Variants in CHRNA5 observed in about 807,000 individuals in gnomAD.
CHRNA5 encodes cholinergic receptor nicotinic alpha 5 subunit, also known as neuronal acetylcholine receptor subunit alpha-5.
CHRNA5 carries 28 observed loss-of-function variants against 41.2 expected under a neutral mutation model. That is an observed-to-expected ratio of 0.68 (90% CI 0.50 to 0.93). CHRNA5 has a LOEUF of 0.93. Ranked by LOEUF, CHRNA5 falls within the 40% of genes least tolerant of loss-of-function variation. CHRNA5 has a pLI of 0.00. For synonymous variants in CHRNA5, 188 were observed against 205.8 expected (o/e 0.91, Z 0.74); for missense variants, 481 against 581.9 (o/e 0.83, Z 1.78).
chr15:78,569,417 T>C (rs1180387372), intron 1 of CHRNA5, among the ~76,000 whole-genome samples: 1 of 151,816 alleles, frequency 6.6e-6, no homozygotes, highest in African/African-American at 2.4e-5. Flanking sequence ...ACAATTAGAG[T>C]TGTTAAATAT....
intron 1 of CHRNA5, among the ~76,000 whole-genome samples, chr15:78,572,101 A>G (rs1757291018): frequency 6.6e-6 from 1 of 152,180 alleles, no homozygotes; most frequent in African/African-American, 2.4e-5. Flanking sequence ...GAGGTATAAT[A>G]TACATCACTC....
chr15:78,590,178 G>A (rs1480433749), exon 5 of CHRNA5: 1 of 1,613,948 alleles, frequency 6.2e-7, no homozygotes, highest in Admixed American at 1.7e-5. Context: ...ACCCTGTATT[G>A]GGCTCTCATT....
chr15:78,577,368 G>C (rs532951013), intron 1 of CHRNA5, among the ~76,000 whole-genome samples: 22 of 152,318 alleles, frequency 1.4e-4, no homozygotes, highest in Middle Eastern at 3.4e-3. Context: ...CTGCTAAGAA[G>C]AATTTAAGTG....
intron 1 of CHRNA5, among the ~76,000 whole-genome samples, chr15:78,571,984 T>G (rs2052809980): frequency 6.6e-6 from 1 of 152,048 alleles, no homozygotes; most frequent in South Asian, 2.1e-4. Context: ...CAAAGAGGAT[T>G]TTTTTTTCAA....
chr15:78,580,172 CG>C (rs2052897706), intron 1 of CHRNA5, among the ~76,000 whole-genome samples: 1 of 143,130 alleles, frequency 7.0e-6, no homozygotes, highest in African/African-American at 2.6e-5. Flanking sequence ...CTCAGCTACT[CG>C]GGAGGCTGAG....
At position 78,588,501 on chromosome 15, in the gene CHRNA5, T is replaced by G; in HGVS notation, c.413+78T>G. ...TTCTATTAGGCACTAATAATTTTTC[T>G]CCCTTTTGAAATTGTTTAGGTATAA... On this transcript the variant is annotated intron_variant, in intron 4 of 5. Coordinates refer to ENST00000299565, the Ensembl canonical transcript of CHRNA5. This position sits in a 1 kb window ranked among gnomAD's most constrained non-coding sequence, Gnocchi z 4.1. The G allele has an allele frequency of 3.0e-6, 2 of 670,996 alleles. No homozygotes were observed. The highest frequency in any genetic ancestry group is 4.6e-6 in the Non-Finnish European group (2 of 433,476). The allele number at this position is 670,996 out of a possible 1,614,324, so 41.6% of individuals were successfully genotyped here. A position where few individuals can be genotyped will look rare whatever the true frequency, so the allele number is the denominator to read the frequency against.
chr15:78,581,829 A>G (rs954174358), intron 2 of CHRNA5, among the ~76,000 whole-genome samples: 47 of 152,190 alleles, frequency 3.1e-4, no homozygotes, highest in African/African-American at 1.1e-3. Context: ...AATTTTGATT[A>G]CTGCTTTTTC....
At chr15:78,593,804 G>A (rs1441866306) in exon 6 of CHRNA5, 1 of 152,262 alleles carries the variant, frequency 6.6e-6, no homozygotes, top group Non-Finnish European at 1.5e-5. Context: ...ACTTTGGGAG[G>A]TCGAGGTGGG....
intron 1 of CHRNA5, among the ~76,000 whole-genome samples, chr15:78,571,660 A>G (rs1162024106): frequency 6.7e-6 from 1 of 150,232 alleles, no homozygotes; most frequent in Non-Finnish European, 1.5e-5. Flanking sequence ...AATACCACCT[A>G]AGGTCATTCA....
intron 2 of CHRNA5, among the ~76,000 whole-genome samples, chr15:78,586,231 C>T (rs188110334): frequency 6.6e-6 from 1 of 152,302 alleles, no homozygotes; most frequent in East Asian, 1.9e-4. Context: ...CACACTTTTC[C>T]GCATTTTAAT....
At chr15:78,573,079 G>A (rs951559321) in intron 1 of CHRNA5, among the ~76,000 whole-genome samples, 1 of 152,296 alleles carries the variant, frequency 6.6e-6, no homozygotes, top group South Asian at 2.1e-4. Flanking sequence ...TCACAACAGT[G>A]GTTTGCAAGA....
In CHRNA5 at chr15:78,590,156, G is replaced by T. The variant is rs951884922; in HGVS notation, c.765G>T (p.Leu255Phe). The change falls in exon 5 of 6, where the codon TTG becomes TTT. Residue 255 changes from leucine to phenylalanine, a missense_variant. Coordinates refer to ENST00000299565, the Ensembl canonical transcript of CHRNA5. Reference sequence around the variant, plus strand: ...AGCGCCTGCCTCTCTTTTATACCTTGTTCCTTATAATACCCTGTATTGGGC... The same window carrying T: ...AGCGCCTGCCTCTCTTTTATACCTTTTTCCTTATAATACCCTGTATTGGGC... The T allele has an allele frequency of 1.2e-6, 2 of 1,613,974 alleles. No homozygotes were observed. The highest frequency in any genetic ancestry group is 1.7e-5 in the Admixed American group (1 of 59,994).
exon 6 of CHRNA5, chr15:78,593,146 A>G (rs1038461611): frequency 6.2e-7 from 1 of 1,613,658 alleles, no homozygotes; most frequent in Non-Finnish European, 8.5e-7. Flanking sequence ...GTTTCTGTGG[A>G]CTTTTCTTTT....
At chr15:78,585,065 G>A (rs1411500390) in intron 2 of CHRNA5, among the ~76,000 whole-genome samples, 5 of 152,104 alleles carry the variant, frequency 3.3e-5, no homozygotes, top group African/African-American at 1.2e-4. Context: ...GACTACAGGT[G>A]TGCCACCATG....
intron 2 of CHRNA5, among the ~76,000 whole-genome samples, chr15:78,583,366 C>CA (rs2052930198): frequency 6.6e-6 from 1 of 152,100 alleles, no homozygotes; most frequent in Non-Finnish European, 1.5e-5. Flanking sequence ...CATTTTGAAG[C>CA]CTAGGTGATT....
chr15:78,569,039 A>C (rs1405566288), intron 1 of CHRNA5, among the ~76,000 whole-genome samples: 1 of 152,222 alleles, frequency 6.6e-6, no homozygotes, highest in African/African-American at 2.4e-5. Flanking sequence ...TGTTATATAT[A>C]TGTCCTTACG....
At chr15:78,570,424 ATTTTTTTTTT>A (rs71148540) in intron 1 of CHRNA5, among the ~76,000 whole-genome samples, 5 of 64,184 alleles carry the variant, frequency 7.8e-5, no homozygotes, top group East Asian at 8.0e-4. Flanking sequence ...AATCCCGGCT[ATTTTTTTTTT>A]TTTTTTTTTT....
Position 78,580,801 on chromosome 15 carries a change from T to G in CHRNA5, c.107-10T>G. 6.2e-7 allele frequency: 1 copy of G among 1,602,490 alleles called. No homozygotes were observed. Among genetic ancestry groups the G allele is most frequent in the African/African-American group, 1.3e-5 (1 of 74,354 alleles). ...GCGAGTACATTAACTTTTAAAAATT[T>G]GTTATACAGGATTATCTGAACCTTC... On this transcript the variant is annotated splice_polypyrimidine_tract_variant and intron_variant, in intron 1 of 5. Transcript: ENST00000299565.
In CHRNA5 at chr15:78,593,151, T is replaced by C. The variant is rs144352852; in HGVS notation, c.1305T>C (p.Phe435=). The change falls in exon 6 of 6, where the codon TTT becomes TTC. Residue 435 remains phenylalanine (F), a synonymous_variant. Transcript: ENST00000299565. The stretch of plus-strand genomic sequence containing the variant: ...TTGATCGGATGTTTCTGTGGACTTT[T>C]CTTTTCGTTTCAATTGTTGGATCTC... 1,015 of 1,613,516 alleles carry C rather than the reference T, an allele frequency of 6.3e-4. 23 individuals are homozygous for C. In the South Asian group the frequency reaches 0.011, roughly 17 times the overall value.
Sources: gnomAD v4.1 joint callset for allele counts (sites outside exome capture counted in the v4.1 genomes callset) on GRCh38, gnomAD v4.1.1 for gene constraint, Gnocchi (gnomAD v3.1) non-coding constraint, MANE v1.5 for transcripts, NCBI Gene and HGNC (gene_info 2026-07-23, HGNC 2026-07-21) for gene names.